LRRK1: variants seen among roughly 807,000 people sequenced by gnomAD.
The protein encoded by LRRK1 is leucine-rich repeat serine/threonine-protein kinase 1.
LRRK1 carries 113 observed loss-of-function variants against 209.1 expected under a neutral mutation model. The observed-to-expected ratio is 0.54, with a 90% CI of 0.46 to 0.63. The LOEUF (loss-of-function observed/expected upper bound fraction) is 0.63. LRRK1 is among the 30% of genes least tolerant of loss of function. The pLI, the probability that LRRK1 is intolerant of heterozygous loss-of-function variation, is 0.00. For synonymous variants in LRRK1, 1,144 were observed against 1,099.7 expected (o/e 1.04, Z -0.80); for missense variants, 2,284 against 2,632.2 (o/e 0.87, Z 2.89).
chr15:101,033,685 G>A (rs1304825805), intron 20 of LRRK1, among the ~76,000 whole-genome samples: 2 of 152,106 alleles, frequency 1.3e-5, no homozygotes, highest in Non-Finnish European at 2.9e-5. Flanking sequence ...CACTTAGGTT[G>A]GTTCCTTATC....
At chr15:101,041,718 C>G (rs1244047191) in intron 20 of LRRK1, among the ~76,000 whole-genome samples, 4 of 152,164 alleles carry the variant, frequency 2.6e-5, no homozygotes, top group Non-Finnish European at 4.4e-5. Flanking sequence ...CCCCCTTATC[C>G]ACAGCTGGTG....
At chr15:101,035,463 C>T (rs540505300) in intron 20 of LRRK1, among the ~76,000 whole-genome samples, 102 of 152,208 alleles carry the variant, frequency 6.7e-4, no homozygotes, top group African/African-American at 2.4e-3. Context: ...ACAAGTATAG[C>T]GATGTCTGCT....
rs753452515 is a variant in LRRK1 at position 101,053,457 on chromosome 15, C to A, written c.4054+37C>A. On this transcript the variant is annotated intron_variant, in intron 26 of 33. Coordinates refer to ENST00000388948, the MANE Select transcript of LRRK1 (RefSeq NM_024652.6). ...CGCCGCCCCACCCGGCCCCGGAGAC[C>A]GACAGAGCCCCGGGCGCCTCCTGCC... The A allele has an allele frequency of 3.3e-6, 5 of 1,522,472 alleles. No homozygotes were observed. The South Asian group carries it at 5.9e-5, about 18-fold the overall frequency. 94.3% of individuals were successfully genotyped at this position (1,522,472 alleles called of 1,614,324 possible). A position where few individuals can be genotyped will look rare whatever the true frequency, so the allele number is the denominator to read the frequency against.
intron 2 of LRRK1, among the ~76,000 whole-genome samples, chr15:100,943,656 G>T (rs1596177231): frequency 6.9e-6 from 1 of 144,892 alleles, no homozygotes; most frequent in Non-Finnish European, 1.5e-5. Context: ...TTCCTCCTCA[G>T]TTCTTGGCAT....
intron 2 of LRRK1, among the ~76,000 whole-genome samples, chr15:100,957,568 A>T (rs1282997701): frequency 1.3e-5 from 2 of 152,224 alleles, no homozygotes; most frequent in Non-Finnish European, 2.9e-5. Flanking sequence ...CACTTCTGAC[A>T]GATTTTGACT....
intron 6 of LRRK1, among the ~76,000 whole-genome samples, chr15:100,990,430 A>G (rs2032101918): frequency 6.6e-6 from 1 of 152,062 alleles, no homozygotes; most frequent in South Asian, 2.1e-4. Context: ...CTTTGGAAAC[A>G]CTGCCCCCCA....
intron 10 of LRRK1, among the ~76,000 whole-genome samples, chr15:101,013,542 A>ACT (rs1431563451): frequency 6.6e-6 from 1 of 152,206 alleles, no homozygotes; most frequent in Non-Finnish European, 1.5e-5. Flanking sequence ...TGAGGCCAGG[A>ACT]GTTTGAGGCT....
At chr15:101,004,704 G>A (rs533471212) in intron 6 of LRRK1, among the ~76,000 whole-genome samples, 4 of 152,190 alleles carry the variant, frequency 2.6e-5, no homozygotes, top group Non-Finnish European at 5.9e-5. Flanking sequence ...CAGAGTCCAC[G>A]TGGAGTTAGT....
chr15:100,933,265 T>A (rs1225773422), intron 2 of LRRK1, among the ~76,000 whole-genome samples: 1 of 152,198 alleles, frequency 6.6e-6, no homozygotes, highest in East Asian at 1.9e-4. Flanking sequence ...TTCAGAATCT[T>A]CCCTGTGTGC....
At chr15:100,948,952 T>C (rs1344907464) in intron 2 of LRRK1, among the ~76,000 whole-genome samples, 1 of 151,636 alleles carries the variant, frequency 6.6e-6, no homozygotes, top group Non-Finnish European at 1.5e-5. Flanking sequence ...AACCTAAACT[T>C]CCACCTTAAG....
At chr15:100,976,937 C>T (rs965774851) in intron 3 of LRRK1, among the ~76,000 whole-genome samples, 1 of 152,198 alleles carries the variant, frequency 6.6e-6, no homozygotes. Context: ...CTTCTGCTTC[C>T]GGGAAGATGG....
intron 6 of LRRK1, among the ~76,000 whole-genome samples, chr15:100,995,735 A>G (rs1324157678): frequency 2.6e-5 from 4 of 152,246 alleles, no homozygotes; most frequent in Non-Finnish European, 5.9e-5. Context: ...GCTCCTGTTC[A>G]GCAGTTAGAG....
chr15:100,993,327 A>G (rs1323646953), intron 6 of LRRK1, among the ~76,000 whole-genome samples: 1 of 152,200 alleles, frequency 6.6e-6, no homozygotes, highest in Non-Finnish European at 1.5e-5. Flanking sequence ...CAGAGCCTGA[A>G]ATATAGATAT....
chr15:101,014,206 T>C, intron 10 of LRRK1, 110 bp from the exon 11 acceptor site: 1 of 747,508 alleles, frequency 1.3e-6, no homozygotes, highest in South Asian at 1.7e-5. Flanking sequence ...GGAAAATTGG[T>C]TGGAATCGTT....
intron 6 of LRRK1, among the ~76,000 whole-genome samples, chr15:100,995,791 A>G (rs542112028): frequency 1.3e-5 from 2 of 152,352 alleles, no homozygotes; most frequent in Non-Finnish European, 1.5e-5. Flanking sequence ...GTGGAAGTAG[A>G]GCAGACCTGA....
chr15:100,996,778 C>T (rs753068185), intron 6 of LRRK1, among the ~76,000 whole-genome samples: 3 of 152,126 alleles, frequency 2.0e-5, no homozygotes, highest in Non-Finnish European at 2.9e-5. Flanking sequence ...TTAAGACATC[C>T]GACAAAGCAG....
intron 6 of LRRK1, among the ~76,000 whole-genome samples, chr15:100,991,946 A>G (rs866630740): frequency 6.6e-6 from 1 of 152,112 alleles, no homozygotes; most frequent in Non-Finnish European, 1.5e-5. Context: ...TTTTTGCAGC[A>G]ATTAGTGTAT....
chr15:100,976,082 GATGAA>G (rs1244326833), intron 3 of LRRK1, among the ~76,000 whole-genome samples: 2 of 152,096 alleles, frequency 1.3e-5, no homozygotes, highest in Admixed American at 6.5e-5. Flanking sequence ...CAAAAATTTA[GATGAA>G]ATGAACAAAT....
chr15:101,012,640 GTGCCCAGGCCACCC>G (rs1050929591), intron 10 of LRRK1, among the ~76,000 whole-genome samples: 137 of 29,520 alleles, frequency 4.6e-3, no homozygotes, highest in Non-Finnish European at 0.014. Context: ...CCCAGGCAGA[GTGCCCAGGCCACCC>G]TGCACAGGCT....
Sources: allele counts gnomAD v4.1 joint callset (sites outside exome capture counted in the v4.1 genomes callset), GRCh38; gene constraint gnomAD v4.1.1; transcripts MANE v1.5; gene names NCBI Gene and HGNC (gene_info 2026-07-23, HGNC 2026-07-21).